Variants in PDLIM2 observed in about 807,000 individuals in gnomAD.
PDLIM2 encodes the protein PDZ and LIM domain 2, also known as PDZ and LIM domain protein 2.
PDLIM2 carries 51 observed loss-of-function variants against 54.1 expected under a neutral mutation model. The ratio of observed to expected loss-of-function variants is 0.94; its 90% confidence interval spans 0.75 to 1.19. The LOEUF (loss-of-function observed/expected upper bound fraction) is 1.19. PDLIM2 is among the 50% of genes most tolerant of loss of function. PDLIM2 has a pLI of 0.00. For synonymous variants in PDLIM2, 398 were observed against 385.6 expected (o/e 1.03, Z -0.38); for missense variants, 912 against 874.0 (o/e 1.04, Z -0.55).
intron 3 of PDLIM2, among the ~76,000 whole-genome samples, chr8:22,582,508 G>A (rs1280400123): frequency 1.3e-5 from 2 of 152,122 alleles, no homozygotes; most frequent in East Asian, 1.9e-4. Flanking sequence ...CAGGGCTCGG[G>A]GGAGGTAGGC....
chr8:22,587,964 A>C (rs1800427044), intron 6 of PDLIM2: 1 of 152,306 alleles, frequency 6.6e-6, no homozygotes, highest in African/African-American at 2.4e-5. Context: ...GTTGGGAATG[A>C]GGACTTGCCT....
chr8:22,589,477 T>G, intron 7 of PDLIM2, 103 bp downstream of exon 6: 4 of 1,528,122 alleles, frequency 2.6e-6, no homozygotes, highest in Non-Finnish European at 3.5e-6. Context: ...CAAGCCCAGT[T>G]GGCTCCTCCA....
rs1312355403 is a variant in PDLIM2 at position 22,593,664 on chromosome 8, G to T, written c.1632-69G>T. ...GTCCTGATGCTACAGTGGGGACCAG[G>T]CCCCCTGGGCATGGTGGCCTCCTGC... is the stretch of plus-strand genomic sequence containing the variant. On this transcript the variant is annotated intron_variant, in intron 9 of 9. Transcript: ENST00000308354. 2.8e-6 allele frequency: 4 copies of T among 1,423,624 alleles called. No homozygotes were observed. The African/African-American group carries it at 5.7e-5, about 20-fold the overall frequency. The allele number at this position is 1,423,624 out of a possible 1,614,324, so 88.2% of individuals were successfully genotyped here.
intron 2 of PDLIM2, 120 bp downstream of exon 1, chr8:22,580,817 C>T (rs1159371413): frequency 1.8e-6 from 2 of 1,101,108 alleles, no homozygotes; most frequent in Non-Finnish European, 2.7e-6. Context: ...CTGCTGCTGC[C>T]TGGCGTGCTG....
exon 8 of PDLIM2, chr8:22,589,708 C>T: frequency 7.0e-6 from 11 of 1,571,370 alleles, no homozygotes; most frequent in South Asian, 1.2e-5. Context: ...CTCCTTTCGG[C>T]TCTTGCAGGA....
downstream of PDLIM2, chr8:22,594,475 T>C: frequency 6.2e-7 from 1 of 1,612,564 alleles, no homozygotes; most frequent in East Asian, 2.2e-5. Flanking sequence ...TTGCCTCTTT[T>C]AGGTTGGGAG....
At chr8:22,589,636 T>G in exon 8 of PDLIM2, 1 of 1,596,064 alleles carries the variant, frequency 6.3e-7, no homozygotes, top group South Asian at 1.1e-5. Context: ...GGACGAGGAC[T>G]CGGAAGTCTT....
intron 8 of PDLIM2, 37 bp downstream of exon 7, chr8:22,589,778 C>A (rs770923769): frequency 6.4e-7 from 1 of 1,551,298 alleles, no homozygotes; most frequent in Non-Finnish European, 8.7e-7. Flanking sequence ...GAAGGAGGTT[C>A]CCTTCCGTAC....
rs1180670958 is a variant in PDLIM2 at position 22,589,648 on chromosome 8, A to T, written c.1420A>T (p.Lys474Ter). ...CCTGGACGAGGACTCGGAAGTCTTCAAGATGCTGCAGGAAAATCGCGAGGG... is the reference window on the plus strand; with the variant it reads ...CCTGGACGAGGACTCGGAAGTCTTCTAGATGCTGCAGGAAAATCGCGAGGG... The change falls in exon 8 of 10, where the codon AAG becomes TAG. Residue 474 changes from lysine to a stop codon, truncating the protein, a stop_gained. Transcript: ENST00000308354. LOFTEE classifies it high-confidence loss of function. The T allele has an allele frequency of 6.3e-7, 1 of 1,592,574 alleles. No individual in the cohort carries two copies. The highest frequency in any genetic ancestry group is 1.7e-5 in the Admixed American group (1 of 57,918).
exon 1 of PDLIM2, chr8:22,579,432 G>A (rs773839031): frequency 1.3e-6 from 2 of 1,515,380 alleles, no homozygotes; most frequent in East Asian, 2.6e-5. Context: ...CTTTGCCCTC[G>A]GAGCGAAGGA....
chr8:22,589,669 G>C, exon 8 of PDLIM2: 2 of 1,582,152 alleles, frequency 1.3e-6, no homozygotes, highest in Non-Finnish European at 8.6e-7. Flanking sequence ...GGAAAATCGC[G>C]AGGGACGGGC....
intron 1 of PDLIM2, chr8:22,579,634 G>C: frequency 8.0e-7 from 1 of 1,254,622 alleles, no homozygotes; most frequent in Non-Finnish European, 1.0e-6. Context: ...GCCGGGGATG[G>C]AGCGGACAGA....
intron 8 of PDLIM2, chr8:22,590,022 TG>T: frequency 2.3e-6 from 1 of 434,624 alleles, no homozygotes. Flanking sequence ...TGGCAGGGCC[TG>T]GGGCTGGGCC....
downstream of PDLIM2, chr8:22,595,835 G>T: frequency 6.6e-6 from 1 of 152,522 alleles, no homozygotes. Context: ...TATTGCCCAG[G>T]CTGGAGTGCA....
In PDLIM2 at chr8:22,579,073, C is replaced by T. The variant is rs991562811; in HGVS notation, c.294C>T (p.Gly98=). ...CTCGGGCTAGGGGCGGCGGCAGGGG[C>T]GGCCCCGGGATCACATGGGCGGAGG... Residue 98 remains glycine, a synonymous_variant, in exon 1 of 10, where the codon GGC becomes GGT. Transcript: ENST00000308354. 8.8e-6 allele frequency: 11 copies of T among 1,251,298 alleles called. No individual in the cohort carries two copies. The African/African-American group carries it at 1.6e-4, about 18-fold the overall frequency. The allele number at this position is 1,251,298 out of a possible 1,614,324, so 77.5% of individuals were successfully genotyped here.
At chr8:22,588,948 A>C in intron 6 of PDLIM2, 1 of 382,274 alleles carries the variant, frequency 2.6e-6, no homozygotes, top group Non-Finnish European at 4.7e-6. Flanking sequence ...CCAGTGTGCA[A>C]TGTCTTTGCA....
At chr8:22,585,041 A>G in exon 5 of PDLIM2, 1 of 1,613,952 alleles carries the variant, frequency 6.2e-7, no homozygotes, top group Non-Finnish European at 8.5e-7. Context: ...ATACACTGAG[A>G]GTCAGTCCTC....
chr8:22,584,827 G>A lies in PDLIM2; in HGVS notation c.1002G>A (p.Gln334=), dbSNP rs117932714. 668 of 1,614,140 alleles carry A rather than the reference G, an allele frequency of 4.1e-4. 6 individuals are homozygous for A. The East Asian group carries it at 0.013, about 31-fold the overall frequency. The change falls in exon 4 of 10, where the codon CAG becomes CAA. Residue 334 remains glutamine, a synonymous_variant. Coordinates refer to ENST00000308354, the Ensembl canonical transcript of PDLIM2. The stretch of plus-strand genomic sequence containing the variant: ...CCCTCTGTTGCCTTCTCAGGTCTCA[G>A]GCTACGTCTCCAGGGCAGACCAATG...
chr8:22,580,355 G>T (rs1030651145), intron 1 of PDLIM2, 120 bp from the exon 1 acceptor site: 9 of 911,800 alleles, frequency 9.9e-6, no homozygotes, highest in South Asian at 1.8e-5. Flanking sequence ...CCTCCTGGGA[G>T]TCGCTCCCTG....
Sources: gnomAD v4.1 joint callset for allele counts (sites outside exome capture counted in the v4.1 genomes callset) on GRCh38, gnomAD v4.1.1 for gene constraint, MANE v1.5 for transcripts, NCBI Gene and HGNC (gene_info 2026-07-23, HGNC 2026-07-21) for gene names.